The following ARHGAP10 variants were observed in gnomAD, a reference collection of about 807,000 sequenced individuals.
ARHGAP10 encodes the protein rho GTPase-activating protein 10.
In ARHGAP10, 87 loss-of-function variants were observed where a neutral mutation model predicts 108.6. The ratio of observed to expected loss-of-function variants is 0.80; its 90% CI spans 0.67 to 0.96. The LOEUF is 0.96. Among genes scored for constraint, ARHGAP10 ranks in the 40% least tolerant of loss-of-function variants. ARHGAP10 has a pLI of 0.00. For synonymous variants in ARHGAP10, 347 were observed against 341.1 expected (o/e 1.02, Z -0.19); for missense variants, 939 against 954.5 (o/e 0.98, Z 0.21).
At chr4:147,771,496 G>GATTAA (rs10661268) in intron 1 of ARHGAP10, among the ~76,000 whole-genome samples, 112,814 of 151,638 alleles carry the variant, frequency 0.74, 47,861 homozygotes, top group Non-Finnish European at 0.93. Context: ...TAAAATGTAT[G>GATTAA]ATTATTTTTG....
In ARHGAP10 at chr4:147,857,659, A is replaced by C; in HGVS notation, c.486+5A>C. ...AAAGACTCACATTTACAAGAGGTAT[A>C]ATTTTTTATTTTTCTGTTACGTTTT... On this transcript the variant is annotated splice_donor_5th_base_variant and intron_variant, in intron 5 of 22. Coordinates refer to ENST00000336498, the MANE Select transcript of ARHGAP10 (RefSeq NM_024605.4). 6.9e-7 allele frequency: 1 copy of C among 1,453,924 alleles called. No individual in the cohort carries two copies. Among genetic ancestry groups the C allele is most frequent in the East Asian group, 2.6e-5 (1 of 38,202 alleles). 90.1% of individuals were successfully genotyped at this position (1,453,924 alleles called of 1,614,324 possible).
At chr4:148,049,912 G>C (rs1278320246) in intron 20 of ARHGAP10, among the ~76,000 whole-genome samples, 1 of 151,792 alleles carries the variant, frequency 6.6e-6, no homozygotes, top group Non-Finnish European at 1.5e-5. Context: ...CTGTCACCCA[G>C]GCTGGAGTGT....
intron 19 of ARHGAP10, among the ~76,000 whole-genome samples, chr4:148,035,230 G>A (rs1032971683): frequency 1.3e-5 from 2 of 152,180 alleles, no homozygotes; most frequent in Non-Finnish European, 2.9e-5. Context: ...TTTTGGGCAA[G>A]CATTATGCTT....
intron 18 of ARHGAP10, among the ~76,000 whole-genome samples, chr4:147,970,381 G>T (rs1471963747): frequency 6.6e-6 from 1 of 151,340 alleles, no homozygotes; most frequent in Non-Finnish European, 1.5e-5. Flanking sequence ...AGGAAAAGTT[G>T]AAAAGAGTAG....
chr4:148,057,519 T>C (rs565615063), intron 20 of ARHGAP10, among the ~76,000 whole-genome samples: 11 of 152,206 alleles, frequency 7.2e-5, no homozygotes, highest in Non-Finnish European at 1.3e-4. Context: ...TGGTTGGGAA[T>C]AAGTGTACTA....
rs570924468 is a variant in ARHGAP10, at chr4:148,050,662, C to T, written c.2027+3611C>T. ...TGCTGGGATTACAGGTGTGAGCCACCGTGCCCGGTTGATTCATCTTCTTTC... is the reference window on the plus strand; with the variant it reads ...TGCTGGGATTACAGGTGTGAGCCACTGTGCCCGGTTGATTCATCTTCTTTC... On this transcript the variant is annotated intron_variant, in intron 20 of 22. Transcript: ENST00000336498. Among the ~76,000 whole-genome samples the T allele has an allele frequency of 2.4e-4, 37 of 152,048 alleles. No homozygotes were observed. In the East Asian group the frequency reaches 5.6e-3, roughly 23 times the overall value.
chr4:147,950,585 C>T (rs1738561327), intron 15 of ARHGAP10, among the ~76,000 whole-genome samples: 1 of 152,172 alleles, frequency 6.6e-6, no homozygotes, highest in African/African-American at 2.4e-5. Context: ...GGAAAACAGC[C>T]AAAGCCCCAA....
intron 1 of ARHGAP10, among the ~76,000 whole-genome samples, chr4:147,739,839 G>T (rs1451490827): frequency 7.1e-6 from 1 of 141,428 alleles, no homozygotes; most frequent in Non-Finnish European, 1.5e-5. Context: ...AGGTTCAAGC[G>T]ATTCTCCCGC....
chr4:148,047,349 G>A (rs1451167446), intron 20 of ARHGAP10, among the ~76,000 whole-genome samples: 1 of 152,194 alleles, frequency 6.6e-6, no homozygotes, highest in East Asian at 1.9e-4. Flanking sequence ...CACCCAAGAT[G>A]TTTCCCCACT....
intron 1 of ARHGAP10, among the ~76,000 whole-genome samples, chr4:147,793,887 G>A (rs746044747): frequency 1.1e-4 from 16 of 152,210 alleles, no homozygotes; most frequent in Non-Finnish European, 1.5e-4. Flanking sequence ...AGAATCTAAA[G>A]TTCCACCTGC....
At chr4:147,958,179 G>A (rs1738859705) in intron 16 of ARHGAP10, among the ~76,000 whole-genome samples, 3 of 152,182 alleles carry the variant, frequency 2.0e-5, no homozygotes, top group Admixed American at 6.5e-5. Flanking sequence ...GAAAGTTGTA[G>A]GCTATGATCT....
In ARHGAP10 at chr4:147,732,296, G is replaced by T; in HGVS notation, c.-6G>T. The T allele has an allele frequency of 6.2e-7, 1 of 1,605,648 alleles. No individual in the cohort carries two copies. The highest frequency in any genetic ancestry group is 8.5e-7 in the Non-Finnish European group (1 of 1,176,904). On this transcript the variant is annotated 5_prime_UTR_variant, in exon 1 of 23. Coordinates refer to ENST00000336498, the MANE Select transcript of ARHGAP10 (RefSeq NM_024605.4). ...CCGTGCGCACCGCGCAGCGACCGCTGCCGTCATGGGGCTGCAGCCCCTGGA... is the reference window on the plus strand; with the variant it reads ...CCGTGCGCACCGCGCAGCGACCGCTTCCGTCATGGGGCTGCAGCCCCTGGA...
At chr4:147,897,178 A>G (rs1736027509) in intron 10 of ARHGAP10, among the ~76,000 whole-genome samples, 1 of 151,736 alleles carries the variant, frequency 6.6e-6, no homozygotes, top group Non-Finnish European at 1.5e-5. Context: ...TATAAACAGC[A>G]TATACTTGAG....
chr4:148,014,722 C>G (rs1472934565), intron 18 of ARHGAP10, among the ~76,000 whole-genome samples: 1 of 152,114 alleles, frequency 6.6e-6, no homozygotes, highest in Non-Finnish European at 1.5e-5. Context: ...TAAAGATTGT[C>G]AATATGCTGA....
intron 15 of ARHGAP10, among the ~76,000 whole-genome samples, chr4:147,947,303 A>G (rs1373149350): frequency 6.6e-6 from 1 of 151,192 alleles, no homozygotes; most frequent in African/African-American, 2.4e-5. Flanking sequence ...GTATATAGAC[A>G]GTTAAAAGAA....
intron 18 of ARHGAP10, among the ~76,000 whole-genome samples, chr4:148,016,729 T>TC (rs922334438): frequency 3.3e-5 from 5 of 152,020 alleles, no homozygotes; most frequent in Non-Finnish European, 5.9e-5. Flanking sequence ...GAGGGCTTAG[T>TC]CCCCAAGACT....
intron 19 of ARHGAP10, among the ~76,000 whole-genome samples, chr4:148,032,990 C>T (rs563606045): frequency 8.5e-5 from 13 of 152,228 alleles, no homozygotes; most frequent in African/African-American, 2.2e-4. Context: ...ACACCCTCAC[C>T]GACACACCCA....
At chr4:147,834,729 C>T (rs1034675749) in intron 3 of ARHGAP10, among the ~76,000 whole-genome samples, 7 of 149,084 alleles carry the variant, frequency 4.7e-5, no homozygotes, top group Admixed American at 4.0e-4. Flanking sequence ...CACTTCCACC[C>T]GCACACCCAC....
intron 10 of ARHGAP10, among the ~76,000 whole-genome samples, chr4:147,886,171 A>T (rs555467701): frequency 6.6e-6 from 1 of 152,378 alleles, no homozygotes; most frequent in Admixed American, 6.5e-5. Context: ...ATCCAAAAAA[A>T]ATTGAAATCC....
Sources: allele counts gnomAD v4.1 joint callset (sites outside exome capture counted in the v4.1 genomes callset), GRCh38; gene constraint gnomAD v4.1.1; transcripts MANE v1.5; gene names NCBI Gene and HGNC (gene_info 2026-07-23, HGNC 2026-07-21).